Variants in SHANK2 observed in about 807,000 individuals in gnomAD.
SHANK2 encodes SH3 and multiple ankyrin repeat domains 2, also known as SH3 and multiple ankyrin repeat domains protein 2.
A neutral mutation model predicts 133.7 loss-of-function variants in SHANK2; 43 were observed. The ratio of observed to expected loss-of-function variants is 0.32; its 90% confidence interval spans 0.25 to 0.41. SHANK2 has a LOEUF of 0.41. Ranked by LOEUF, SHANK2 falls within the 10% of genes least tolerant of loss-of-function variation. The pLI is 1.00. For synonymous variants in SHANK2, 1,017 were observed against 952.8 expected, an observed-to-expected ratio of 1.07 and a Z score of -1.24; for missense variants, 1,994 against 2,235.8, an observed-to-expected ratio of 0.89 and a Z score of 2.18.
chr11:70,880,000 G>A (rs550289283), intron 11 of SHANK2, among the ~76,000 whole-genome samples: 87 of 152,338 alleles, frequency 5.7e-4, no homozygotes, highest in African/African-American at 2.1e-3. Context: ...CAACTGTGCT[G>A]TGCTGTGGCC....
At position 71,192,644 on chromosome 11, in the gene SHANK2, G is replaced by C. The variant is rs182593069; in HGVS notation, c.-13+32053C>G. 1.2e-4 allele frequency among the ~76,000 whole-genome samples: 19 copies of C among 152,298 alleles called. No homozygotes were observed. In the East Asian group the frequency reaches 1.5e-3, roughly 12 times the overall value. On this transcript the variant is annotated intron_variant, in intron 2 of 25. Transcript: ENST00000601538. ...AACGTGCCCCACCCTGGGTGGAAAA[G>C]CCTCGCCTTTCCCAGGAAAATGACC... is the stretch of plus-strand genomic sequence containing the variant.
Position 70,492,399 on chromosome 11 carries a change from G to A in SHANK2, c.2375C>T (p.Pro792Leu), listed in dbSNP as rs2135762642. 1.9e-6 allele frequency: 3 copies of A among 1,613,706 alleles called. No homozygotes were observed. Among genetic ancestry groups the A allele is most frequent in the Admixed American group, 1.7e-5 (1 of 60,028 alleles). Residue 792 changes from proline to leucine, a missense_variant, in exon 22 of 26, where the codon CCG (proline) becomes CTG (leucine). Coordinates refer to ENST00000601538, the MANE Select transcript of SHANK2 (RefSeq NM_012309.5). The stretch of plus-strand genomic sequence containing the variant: ...CCGCTGCTTGATGGTCGCCACCCTC[G>A]GTTCCACAGCCATGTTCTCAGCAGC... ...SRAAENMAVE[P>L]RVATIKQRPS...
chr11:70,801,872 G>A (rs1450760735), intron 13 of SHANK2, among the ~76,000 whole-genome samples: 1 of 152,186 alleles, frequency 6.6e-6, no homozygotes, highest in Non-Finnish European at 1.5e-5. Context: ...TAGAAAAATT[G>A]TCAAGGACCC....
intron 15 of SHANK2, 187 bp from the exon 16 acceptor site, chr11:70,661,865 G>A: frequency 2.6e-6 from 4 of 1,536,706 alleles, no homozygotes; most frequent in East Asian, 2.2e-5. Context: ...GGTGGCTACC[G>A]GGATAGGCGA....
chr11:70,774,925 G>A (rs1555043602), intron 14 of SHANK2, among the ~76,000 whole-genome samples: 2 of 152,148 alleles, frequency 1.3e-5, no homozygotes, highest in African/African-American at 4.8e-5. Flanking sequence ...TTGCAAGGAC[G>A]AGGTAGGAGG....
intron 17 of SHANK2, among the ~76,000 whole-genome samples, chr11:70,515,637 GAAAAAAAAAA>G (rs58440823): frequency 3.8e-5 from 3 of 79,958 alleles, no homozygotes; most frequent in Non-Finnish European, 6.5e-5. Flanking sequence ...CTCGTTCCTT[GAAAAAAAAAA>G]AAAAAAAAAA....
chr11:71,073,147 C>CTGTTTTTTTTTT, intron 9 of SHANK2, among the ~76,000 whole-genome samples: 1 of 62,758 alleles, frequency 1.6e-5, no homozygotes, highest in African/African-American at 4.2e-5. Context: ...TTTTTCTTTT[C>CTGTTTTTTTTTT]TTTTTTTTCT....
At position 70,783,751 on chromosome 11, in the gene SHANK2, C is replaced by G. The variant is rs534947287; in HGVS notation, c.1777+14692G>C. On this transcript the variant is annotated intron_variant, in intron 14 of 25. Transcript: ENST00000601538. Reference sequence around the variant, plus strand: ...GTTTGTTTTATAACTGCCCACTGGACGTGCGGTTGTTTTGTGAACCTCTCT... The same window carrying G: ...GTTTGTTTTATAACTGCCCACTGGAGGTGCGGTTGTTTTGTGAACCTCTCT... 8.5e-5 allele frequency among the ~76,000 whole-genome samples: 13 copies of G among 152,224 alleles called. No individual in the cohort carries two copies. The South Asian group carries it at 2.7e-3, about 32-fold the overall frequency.
intron 14 of SHANK2, among the ~76,000 whole-genome samples, chr11:70,701,931 C>T (rs1555023780): frequency 6.6e-6 from 1 of 151,178 alleles, no homozygotes; most frequent in East Asian, 1.9e-4. Flanking sequence ...TCACCACCAC[C>T]ATCACCACCA....
chr11:70,794,447 T>C (rs1947866081), intron 14 of SHANK2, among the ~76,000 whole-genome samples: 2 of 152,204 alleles, frequency 1.3e-5, no homozygotes, highest in Non-Finnish European at 1.5e-5. Flanking sequence ...ATCTATGGTC[T>C]ATGGTGACAG....
At chr11:70,631,508 C>T (rs1486995708) in intron 17 of SHANK2, among the ~76,000 whole-genome samples, 1 of 152,168 alleles carries the variant, frequency 6.6e-6, no homozygotes, top group African/African-American at 2.4e-5. Context: ...GAGGTCTCAG[C>T]TCCTAATCCA....
chr11:71,106,897 G>A (rs782266702), intron 6 of SHANK2, among the ~76,000 whole-genome samples: 5 of 152,080 alleles, frequency 3.3e-5, no homozygotes, highest in African/African-American at 7.2e-5. Flanking sequence ...GGCCGAGGCC[G>A]GTGATCACTT....
Position 70,613,765 on chromosome 11 carries a change from T to TTTTTTG in SHANK2, c.2061+46062_2061+46063insCAAAAA, listed in dbSNP as rs1308376637. Among the ~76,000 whole-genome samples, 103 of 145,084 alleles carry TTTTTTG rather than the reference T, an allele frequency of 7.1e-4. 4 individuals carry two copies. The South Asian group carries it at 0.023, about 33-fold the overall frequency. ...TCCTTGTAAGAAGAGGGGAACTTGT[T>TTTTTTG]TTTTTTTTTTTTTCTTTGAGATGGA... is the stretch of plus-strand genomic sequence containing the variant. On this transcript the variant is annotated intron_variant, in intron 17 of 25. Transcript: ENST00000601538.
chr11:70,591,527 T>A (rs1554988039), intron 17 of SHANK2, among the ~76,000 whole-genome samples: 3 of 147,844 alleles, frequency 2.0e-5, no homozygotes, highest in Non-Finnish European at 4.5e-5. Context: ...GATACAACAT[T>A]TGCTTTTCTT....
At position 70,502,244 on chromosome 11, in the gene SHANK2, A is replaced by G. The variant is rs2059065221; in HGVS notation, c.2240T>C (p.Leu747Pro). 2.6e-6 allele frequency: 4 copies of G among 1,559,042 alleles called. No individual in the cohort carries two copies. The highest frequency in any genetic ancestry group is 2.0e-5 in the Admixed American group (1 of 51,172). ...CTCCGAGGTCATGGACTTGGAGCGC[A>G]GGGTGAGGGCTGTGGTCGGTGCCCG... ...PKRAPTTALT[L>P]RSKSMTSELE... is the part of the protein sequence containing the mutation. The change falls in exon 19 of 26, where the codon CTG becomes CCG. Residue 747 changes from leucine (L) to proline (P), a missense_variant. Around this residue, in one of 5 missense-constraint regions of SHANK2, gnomAD observed 488 missense variants for 642.6 expected, o/e 0.76. Transcript: ENST00000601538.
chr11:70,677,916 G>A (rs1426823353), intron 15 of SHANK2, among the ~76,000 whole-genome samples: 1 of 152,176 alleles, frequency 6.6e-6, no homozygotes, highest in African/African-American at 2.4e-5. Flanking sequence ...TTTTGCAGAA[G>A]GTTCCAGCCC....
intron 17 of SHANK2, among the ~76,000 whole-genome samples, chr11:70,622,794 G>T (rs1449852474): frequency 1.3e-5 from 2 of 152,148 alleles, no homozygotes; most frequent in Non-Finnish European, 2.9e-5. Flanking sequence ...TCCAGTCTCC[G>T]AACGGAAGTC....
At chr11:70,953,009 C>A (rs1178873436) in intron 10 of SHANK2, among the ~76,000 whole-genome samples, 2 of 152,086 alleles carry the variant, frequency 1.3e-5, no homozygotes, top group Non-Finnish European at 2.9e-5. Flanking sequence ...TCTCTGCCCC[C>A]ATCCCACGTC....
At chr11:70,731,247 G>C (rs1198655) in intron 14 of SHANK2, among the ~76,000 whole-genome samples, 1 of 152,094 alleles carries the variant, frequency 6.6e-6, no homozygotes, top group Non-Finnish European at 1.5e-5. Flanking sequence ...GAAGGTGGCC[G>C]TCTGCAAGCC....
Sources: allele counts gnomAD v4.1 joint callset (sites outside exome capture counted in the v4.1 genomes callset), GRCh38; gene constraint gnomAD v4.1.1; regional missense constraint gnomAD v4.1.1; transcripts MANE v1.5; gene names NCBI Gene and HGNC (gene_info 2026-07-23, HGNC 2026-07-21).